The following BTBD9 variants were observed in gnomAD, a reference collection of about 807,000 sequenced individuals.
The protein encoded by BTBD9 is BTB domain containing 9.
In BTBD9, 49 loss-of-function variants were observed where a neutral mutation model predicts 64.3. The observed-to-expected ratio is 0.76, with a 90% CI of 0.61 to 0.97. BTBD9 has a LOEUF of 0.97. Ranked by LOEUF, BTBD9 falls within the 50% of genes least tolerant of loss-of-function variation. BTBD9 has a pLI of 0.00. For missense variants in BTBD9, 598 were observed against 762.1 expected (o/e 0.78, Z 2.53); for synonymous variants, 260 against 274.7 (o/e 0.95, Z 0.53).
At chr6:38,407,433 C>T (rs1335292872) in intron 6 of BTBD9, among the ~76,000 whole-genome samples, 1 of 152,042 alleles carries the variant, frequency 6.6e-6, no homozygotes. Flanking sequence ...AGACCAATTA[C>T]TTATCCAGTA....
At chr6:38,387,196 A>G (rs1766209398) in intron 6 of BTBD9, among the ~76,000 whole-genome samples, 1 of 152,242 alleles carries the variant, frequency 6.6e-6, no homozygotes, top group Non-Finnish European at 1.5e-5. Context: ...ATAAATCTGT[A>G]CATATTTGTT....
At chr6:38,410,058 T>C (rs1026102848) in intron 6 of BTBD9, among the ~76,000 whole-genome samples, 3 of 152,312 alleles carry the variant, frequency 2.0e-5, no homozygotes, top group African/African-American at 7.2e-5. Flanking sequence ...AAAAAAGAAA[T>C]CATTCCACTT....
chr6:38,275,128 T>C (rs1255195223), intron 8 of BTBD9, among the ~76,000 whole-genome samples: 3 of 152,204 alleles, frequency 2.0e-5, no homozygotes, highest in African/African-American at 7.2e-5. Context: ...CAAAACAGCA[T>C]GGTACTGGTT....
intron 6 of BTBD9, chr6:38,504,512 T>C (rs995511134): frequency 2.2e-6 from 1 of 456,564 alleles, no homozygotes; most frequent in Non-Finnish European, 4.4e-6. Context: ...GACTTTGCAC[T>C]GTCACTGTCA....
chr6:38,512,485 A>C (rs1216442613), intron 6 of BTBD9, among the ~76,000 whole-genome samples: 1 of 152,178 alleles, frequency 6.6e-6, no homozygotes, highest in East Asian at 1.9e-4. Context: ...TATCATCTCC[A>C]GTGCTAAGGA....
chr6:38,542,389 C>A (rs1774319417), intron 6 of BTBD9, among the ~76,000 whole-genome samples: 2 of 152,044 alleles, frequency 1.3e-5, no homozygotes, highest in Non-Finnish European at 2.9e-5. Flanking sequence ...AAGGATGTCT[C>A]CCTCTCTCAT....
intron 9 of BTBD9, among the ~76,000 whole-genome samples, chr6:38,234,083 G>C (rs1763699240): frequency 6.6e-6 from 1 of 152,198 alleles, no homozygotes; most frequent in Admixed American, 6.5e-5. Flanking sequence ...CAGTCACGAG[G>C]TATGTACCTT....
intron 9 of BTBD9, among the ~76,000 whole-genome samples, chr6:38,195,428 G>A (rs550202576): frequency 6.6e-6 from 1 of 152,280 alleles, no homozygotes; most frequent in East Asian, 1.9e-4. Flanking sequence ...AGCCCGCCCA[G>A]TTCAGAGCCA....
chr6:38,339,181 T>C (rs77779351), intron 7 of BTBD9, among the ~76,000 whole-genome samples: 3,940 of 152,304 alleles, frequency 0.026, 78 homozygotes, highest in Middle Eastern at 0.048. Flanking sequence ...GCACTATTTG[T>C]AGTAGTGGAA....
intron 6 of BTBD9, among the ~76,000 whole-genome samples, chr6:38,360,770 T>C (rs73422889): frequency 0.061 from 9,256 of 151,902 alleles, 815 homozygotes; most frequent in East Asian, 0.35. Context: ...GATGGAGAAG[T>C]AAAGGCGGAA....
At chr6:38,617,952 G>C (rs1230928365) in intron 1 of BTBD9, among the ~76,000 whole-genome samples, 2 of 152,116 alleles carry the variant, frequency 1.3e-5, no homozygotes, top group Non-Finnish European at 2.9e-5. Flanking sequence ...AGGTTTTTGA[G>C]AATGTGGTGG....
intron 6 of BTBD9, among the ~76,000 whole-genome samples, chr6:38,564,975 TC>T: frequency 6.6e-6 from 1 of 152,252 alleles, no homozygotes; most frequent in East Asian, 1.9e-4. Context: ...CCATTTTTTT[TC>T]TTAAATAATA....
intron 7 of BTBD9, among the ~76,000 whole-genome samples, chr6:38,313,087 T>G (rs1015759927): frequency 1.3e-5 from 2 of 152,208 alleles, no homozygotes; most frequent in African/African-American, 4.8e-5. Flanking sequence ...CTTTCACCAA[T>G]GTTTTATAGT....
At chr6:38,244,746 TA>T (rs1764124939) in intron 9 of BTBD9, among the ~76,000 whole-genome samples, 1 of 152,112 alleles carries the variant, frequency 6.6e-6, no homozygotes. Flanking sequence ...GGGGCAATGA[TA>T]GATGTAAAAA....
chr6:38,514,872 G>A (rs941649042), intron 6 of BTBD9, among the ~76,000 whole-genome samples: 6 of 152,188 alleles, frequency 3.9e-5, no homozygotes, highest in African/African-American at 1.4e-4. Context: ...ATCTAACAAA[G>A]AAAGAATTTT....
intron 7 of BTBD9, among the ~76,000 whole-genome samples, chr6:38,290,009 T>C (rs893804676): frequency 6.6e-5 from 10 of 151,926 alleles, no homozygotes; most frequent in African/African-American, 1.2e-4. Context: ...TTAAAATAGA[T>C]TGGAAAAGAA....
intron 6 of BTBD9, among the ~76,000 whole-genome samples, chr6:38,443,087 C>T (rs1446901706): frequency 6.6e-6 from 1 of 152,114 alleles, no homozygotes; most frequent in Non-Finnish European, 1.5e-5. Context: ...ATTGACTTGG[C>T]AGGCAAATGG....
At chr6:38,588,388 A>G in intron 4 of BTBD9, 1 of 837,386 alleles carries the variant, frequency 1.2e-6, no homozygotes, top group Admixed American at 1.8e-5. Flanking sequence ...AATGGCTCCA[A>G]GCCAACCTGG....
chr6:38,588,079 G>C (rs1325641884), intron 4 of BTBD9: 8 of 730,344 alleles, frequency 1.1e-5, no homozygotes, highest in Admixed American at 3.7e-5. Flanking sequence ...AATAGTACCA[G>C]CAACAGGCTA....
Sources: gnomAD v4.1 joint callset for allele counts (sites outside exome capture counted in the v4.1 genomes callset) on GRCh38, gnomAD v4.1.1 for gene constraint, MANE v1.5 for transcripts, NCBI Gene and HGNC (gene_info 2026-07-23, HGNC 2026-07-21) for gene names.